Variants in SNTG1 observed in about 807,000 individuals in gnomAD.
SNTG1 encodes the protein gamma-1-syntrophin.
A neutral mutation model predicts 74.7 loss-of-function variants in SNTG1; 39 were observed. That is an observed-to-expected ratio of 0.52 (90% CI 0.40 to 0.68). The LOEUF is 0.68. SNTG1 is among the 30% of genes least tolerant of loss of function. The pLI, the probability that SNTG1 is intolerant of heterozygous loss-of-function variation, is 0.00. For missense variants in SNTG1, 685 were observed against 609.5 expected, an observed-to-expected ratio of 1.12 and a Z score of -1.30; for synonymous variants, 254 against 217.1, an observed-to-expected ratio of 1.17 and a Z score of -1.49.
At chr8:50,725,212 C>G (rs1437759579) in intron 17 of SNTG1, among the ~76,000 whole-genome samples, 1 of 152,120 alleles carries the variant, frequency 6.6e-6, no homozygotes, top group Non-Finnish European at 1.5e-5. Flanking sequence ...ACTACTAATC[C>G]TGTATTTCAA....
intron 18 of SNTG1, among the ~76,000 whole-genome samples, chr8:50,765,232 G>A (rs1484460060): frequency 3.3e-5 from 5 of 151,998 alleles, no homozygotes; most frequent in Admixed American, 3.3e-4. Flanking sequence ...GTGGGTATGG[G>A]GCCATGGCTT....
chr8:49,978,121 C>A (rs1812356778), intron 1 of SNTG1, among the ~76,000 whole-genome samples: 1 of 152,164 alleles, frequency 6.6e-6, no homozygotes, highest in African/African-American at 2.4e-5. Context: ...GTAGGTCACT[C>A]TTTTCTTCAA....
At position 50,511,780 on chromosome 8, in the gene SNTG1, C is replaced by T. The variant is rs576272362; in HGVS notation, c.466+8900C>T. On this transcript the variant is annotated intron_variant, in intron 9 of 18. Transcript: ENST00000642720. ...TTCCATTTGCTTGGTAGATCTTCCT[C>T]GATCCCTTTATTTTGAGCCTATGTG... 5.4e-3 allele frequency among the ~76,000 whole-genome samples: 825 copies of T among 152,230 alleles called. 1 individual carries two copies. Among genetic ancestry groups the T allele is most frequent in the Non-Finnish European group, 9.8e-3 (665 of 68,014 alleles).
chr8:50,721,828 A>G (rs1033411947), intron 17 of SNTG1, among the ~76,000 whole-genome samples: 1 of 152,062 alleles, frequency 6.6e-6, no homozygotes, highest in African/African-American at 2.4e-5. Flanking sequence ...TAACATAGGA[A>G]AGGGCCCAGC....
At chr8:50,057,305 G>A (rs577584378) in intron 1 of SNTG1, among the ~76,000 whole-genome samples, 1 of 152,192 alleles carries the variant, frequency 6.6e-6, no homozygotes, top group East Asian at 1.9e-4. Context: ...GCTCACAGGT[G>A]GAAGCCAGAT....
At chr8:50,032,489 T>C (rs1270570242) in intron 1 of SNTG1, among the ~76,000 whole-genome samples, 1 of 152,160 alleles carries the variant, frequency 6.6e-6, no homozygotes, top group East Asian at 1.9e-4. Flanking sequence ...GCTGCTTTTT[T>C]TGTGGTTCTT....
intron 1 of SNTG1, among the ~76,000 whole-genome samples, chr8:50,147,790 A>C (rs1318754130): frequency 6.6e-6 from 1 of 152,202 alleles, no homozygotes. Flanking sequence ...CTAGCTGTGC[A>C]CATGCATGGG....
chr8:50,039,743 T>A (rs560659713), intron 1 of SNTG1, among the ~76,000 whole-genome samples: 4 of 152,156 alleles, frequency 2.6e-5, no homozygotes, highest in Non-Finnish European at 5.9e-5. Context: ...TTTACTAGTT[T>A]GTATGCTTTC....
At chr8:50,257,732 A>T (rs1037148684) in intron 2 of SNTG1, among the ~76,000 whole-genome samples, 11 of 152,192 alleles carry the variant, frequency 7.2e-5, no homozygotes, top group Non-Finnish European at 1.6e-4. Flanking sequence ...GATAACCAGG[A>T]AAGAGGACAG....
intron 2 of SNTG1, among the ~76,000 whole-genome samples, chr8:50,377,645 C>A (rs1587385353): frequency 6.6e-6 from 1 of 152,168 alleles, no homozygotes; most frequent in East Asian, 1.9e-4. Context: ...TGTCAAAAAT[C>A]TAGCTAAATT....
At chr8:50,442,055 A>G (rs753066814) in intron 5 of SNTG1, among the ~76,000 whole-genome samples, 8 of 152,204 alleles carry the variant, frequency 5.3e-5, no homozygotes, top group Non-Finnish European at 8.8e-5. Flanking sequence ...CATGCTGCAC[A>G]TGGAAAAGCA....
chr8:49,984,386 G>A (rs1240338086), intron 1 of SNTG1, among the ~76,000 whole-genome samples: 2 of 151,954 alleles, frequency 1.3e-5, no homozygotes, highest in African/African-American at 2.4e-5. Flanking sequence ...TGTATTTTTA[G>A]TAGAGACGGG....
At chr8:49,959,054 T>A (rs578005827) in intron 1 of SNTG1, among the ~76,000 whole-genome samples, 63 of 152,354 alleles carry the variant, frequency 4.1e-4, no homozygotes, top group African/African-American at 1.4e-3. Flanking sequence ...TAATTAGCTC[T>A]TTTGAATTTT....
intron 8 of SNTG1, among the ~76,000 whole-genome samples, chr8:50,487,995 C>A (rs1345382726): frequency 6.6e-6 from 1 of 152,018 alleles, no homozygotes; most frequent in African/African-American, 2.4e-5. Context: ...GCTTCTGGAT[C>A]TCAAAAGAAA....
At chr8:49,995,668 GAC>G (rs1563446838) in intron 1 of SNTG1, among the ~76,000 whole-genome samples, 2 of 152,218 alleles carry the variant, frequency 1.3e-5, no homozygotes, top group Non-Finnish European at 2.9e-5. Flanking sequence ...TCAGGATATT[GAC>G]AGAGTAGGCA....
At chr8:50,484,705 C>T (rs1274438461) in intron 8 of SNTG1, among the ~76,000 whole-genome samples, 3 of 151,272 alleles carry the variant, frequency 2.0e-5, no homozygotes, top group Admixed American at 6.6e-5. Flanking sequence ...ACTAAAAATA[C>T]AAAATTAGCC....
At chr8:50,376,103 T>G (rs2092373076) in intron 2 of SNTG1, among the ~76,000 whole-genome samples, 1 of 152,100 alleles carries the variant, frequency 6.6e-6, no homozygotes, top group Non-Finnish European at 1.5e-5. Flanking sequence ...CTTTGTAAAT[T>G]TACATCCTAC....
chr8:50,491,918 A>C (rs1298988684), intron 8 of SNTG1, among the ~76,000 whole-genome samples: 1 of 123,476 alleles, frequency 8.1e-6, no homozygotes, highest in Non-Finnish European at 1.6e-5. Context: ...CCAGTGTGTG[A>C]TGTTCCCCTT....
intron 9 of SNTG1, among the ~76,000 whole-genome samples, chr8:50,506,232 T>C (rs906469258): frequency 6.6e-5 from 10 of 152,106 alleles, no homozygotes; most frequent in Admixed American, 3.3e-4. Context: ...AGTACCACAT[T>C]GTTTTTATTA....
Sources: gnomAD v4.1 joint callset for allele counts (sites outside exome capture counted in the v4.1 genomes callset) on GRCh38, gnomAD v4.1.1 for gene constraint, MANE v1.5 for transcripts, NCBI Gene and HGNC (gene_info 2026-07-23, HGNC 2026-07-21) for gene names.